CUEDC1: variants seen among roughly 807,000 people sequenced by gnomAD.
CUEDC1 encodes CUE domain containing 1.
In CUEDC1, 30 loss-of-function variants were observed where a neutral mutation model predicts 43.7. That is an observed-to-expected ratio of 0.69 (90% CI 0.51 to 0.93). The LOEUF is 0.93. Ranked by LOEUF, CUEDC1 falls within the 40% of genes least tolerant of loss-of-function variation. The pLI is 0.00. For missense variants in CUEDC1, 486 were observed against 549.0 expected (o/e 0.89, Z 1.15); for synonymous variants, 223 against 223.6 (o/e 1.00, Z 0.02).
intron 1 of CUEDC1, among the ~76,000 whole-genome samples, chr17:57,898,640 C>T (rs1023694393): frequency 1.3e-5 from 2 of 152,162 alleles, no homozygotes; most frequent in African/African-American, 4.8e-5. Context: ...TCTATGAGCA[C>T]GGGCCATTCA....
intron 1 of CUEDC1, among the ~76,000 whole-genome samples, chr17:57,887,246 T>C (rs1172689258): frequency 4.6e-5 from 7 of 152,016 alleles, no homozygotes; most frequent in Non-Finnish European, 7.4e-5. Context: ...TCAAGCACAA[T>C]GAGGGACCTT....
At chr17:57,882,635 A>G (rs73992339) in intron 2 of CUEDC1, among the ~76,000 whole-genome samples, 10,951 of 151,986 alleles carry the variant, frequency 0.072, 539 homozygotes, top group African/African-American at 0.14. Context: ...ATTTTCTTCC[A>G]CCTCCACCAC....
chr17:57,873,769 G>A, intron 3 of CUEDC1, 52 bp from the exon 4 acceptor site: 1 of 1,492,850 alleles, frequency 6.7e-7, no homozygotes, highest in South Asian at 1.3e-5. Flanking sequence ...CCAACCCCAG[G>A]TCTCCTGGCC....
rs762941557 is a variant in CUEDC1 at position 57,885,277 on chromosome 17, G to A, written c.288C>T (p.Gly96=). ...QMNLEGGGSS[G]GVYEDSSDSE... is the part of the protein sequence containing the mutation. The stretch of plus-strand genomic sequence containing the variant: ...AGTCGGAGCTGTCCTCATAGACGCC[G>A]CCGCTGCTGCCACCGCCCTCCAGGT... Residue 96 remains glycine, a synonymous_variant, in exon 2 of 11, where the codon GGC becomes GGT. Transcript: ENST00000577830. The A allele has an allele frequency of 1.2e-6, 2 of 1,605,812 alleles. No homozygotes were observed. Among genetic ancestry groups the A allele is most frequent in the Non-Finnish European group, 1.7e-6 (2 of 1,175,858 alleles).
rs954529451 is a variant in CUEDC1, at chr17:57,944,957, G to C, written c.-316+10268C>G. Among the ~76,000 whole-genome samples the C allele has an allele frequency of 1.1e-4, 16 of 152,170 alleles. 1 individual carries two copies. Among genetic ancestry groups the C allele is most frequent in the African/African-American group, 3.9e-4 (16 of 41,440 alleles). On this transcript the variant is annotated intron_variant, in intron 1 of 10. Transcript: ENST00000577830. ...GGTGTCGCCCCATCAGAGGTGTCAA[G>C]GACCATGCAAGGCCAGGGGTCACAC...
In CUEDC1 at chr17:57,862,716, G is replaced by C. The variant is rs536133579; in HGVS notation, c.*573C>G. ...CCCACCCAGGCTGGGTGCAGGGCTC[G>C]TGTGCTGGGCCAGCAGCCCCGGGGG... On this transcript the variant is annotated 3_prime_UTR_variant, in exon 11 of 11. Transcript: ENST00000577830. The C allele has an allele frequency of 1.3e-5, 2 of 152,568 alleles. No individual in the cohort carries two copies. The highest frequency in any genetic ancestry group is 2.9e-5 in the Non-Finnish European group (2 of 68,350). The allele number at this position is 152,568 out of a possible 1,614,324, so 9.5% of individuals were successfully genotyped here. A position where few individuals can be genotyped will look rare whatever the true frequency, so the allele number is the denominator to read the frequency against.
At chr17:57,948,253 G>A (rs1459091560) in intron 1 of CUEDC1, among the ~76,000 whole-genome samples, 1 of 152,192 alleles carries the variant, frequency 6.6e-6, no homozygotes, top group Non-Finnish European at 1.5e-5. Context: ...CTGTGTGTAT[G>A]GGGGCTGATG....
Position 57,948,592 on chromosome 17 carries a change from C to G in CUEDC1, c.-316+6633G>C, listed in dbSNP as rs569457957. Among the ~76,000 whole-genome samples the G allele has an allele frequency of 1.2e-4, 19 of 152,352 alleles. No homozygotes were observed. In the East Asian group the frequency reaches 2.9e-3, roughly 23 times the overall value. Reference sequence around the variant, plus strand: ...TCCAGCTCCTTTTATCCTCCGATCACCGAGCTGACATGGACCTCTAGGGGC... The same window carrying G: ...TCCAGCTCCTTTTATCCTCCGATCAGCGAGCTGACATGGACCTCTAGGGGC... On this transcript the variant is annotated intron_variant, in intron 1 of 10. Transcript: ENST00000577830.
At chr17:57,899,259 C>G (rs2074445798) in intron 1 of CUEDC1, among the ~76,000 whole-genome samples, 1 of 152,202 alleles carries the variant, frequency 6.6e-6, no homozygotes, top group South Asian at 2.1e-4. Context: ...AGCTGCACCC[C>G]CCCAACCACA....
chr17:57,929,956 C>G (rs1381921953), intron 1 of CUEDC1, among the ~76,000 whole-genome samples: 3 of 152,154 alleles, frequency 2.0e-5, no homozygotes, highest in Non-Finnish European at 4.4e-5. Context: ...CAGGCACCAC[C>G]ACGCCCAGCA....
chr17:57,934,698 A>ACATGC lies in CUEDC1; in HGVS notation c.-316+20522_-316+20526dup, dbSNP rs1313082668. Among the ~76,000 whole-genome samples the ACATGC allele has an allele frequency of 2.0e-5, 3 of 152,038 alleles. No homozygotes were observed. In the South Asian group the frequency reaches 6.2e-4, roughly 32 times the overall value. ...ACATAGAGAATACTTAGAGGGGCAG[A>ACATGC]CATGCCATCCTTCCCGATTGTTTTT... is the stretch of plus-strand genomic sequence containing the variant. On this transcript the variant is annotated intron_variant, in intron 1 of 10. Transcript: ENST00000577830.
In CUEDC1 at chr17:57,947,225, G is replaced by C. The variant is rs137893640; in HGVS notation, c.-316+8000C>G. ...TAATGAATAGGGAATCATGGGATTAGAGGAGGAAGCAAAAGTTCTTGCCGT... is the reference window on the plus strand; with the variant it reads ...TAATGAATAGGGAATCATGGGATTACAGGAGGAAGCAAAAGTTCTTGCCGT... On this transcript the variant is annotated intron_variant, in intron 1 of 10. Transcript: ENST00000577830. Among the ~76,000 whole-genome samples the C allele has an allele frequency of 1.3e-3, 196 of 151,618 alleles. 2 individuals are homozygous for C. The highest frequency in any genetic ancestry group is 4.5e-3 in the African/African-American group (186 of 41,354).
chr17:57,915,116 C>T (rs545008419), intron 1 of CUEDC1: 3 of 152,058 alleles, frequency 2.0e-5, no homozygotes, highest in Admixed American at 6.5e-5. Context: ...TAAGGGTCTT[C>T]GAGTAAAGCA....
intron 1 of CUEDC1, among the ~76,000 whole-genome samples, chr17:57,913,163 TA>T (rs1244775425): frequency 6.6e-6 from 1 of 151,974 alleles, no homozygotes; most frequent in African/African-American, 2.4e-5. Context: ...CCGCCTCTAC[TA>T]AAAATACAAA....
chr17:57,950,091 G>GTGC (rs2074991930), intron 1 of CUEDC1, among the ~76,000 whole-genome samples: 1 of 152,196 alleles, frequency 6.6e-6, no homozygotes, highest in Admixed American at 6.5e-5. Flanking sequence ...CCCTCTGTGA[G>GTGC]TGCTGCAATG....
intron 1 of CUEDC1, among the ~76,000 whole-genome samples, chr17:57,944,305 G>C (rs1405541190): frequency 6.6e-6 from 1 of 150,628 alleles, no homozygotes; most frequent in Non-Finnish European, 1.5e-5. Context: ...CTGCCTCCCA[G>C]GTTCAAGTGA....
At chr17:57,941,871 A>C (rs1244316754) in intron 1 of CUEDC1, among the ~76,000 whole-genome samples, 2 of 152,252 alleles carry the variant, frequency 1.3e-5, no homozygotes, top group African/African-American at 4.8e-5. Flanking sequence ...GGGGCCAGGA[A>C]GGAAAACGAG....
chr17:57,930,009 G>A lies in CUEDC1; in HGVS notation c.-316+25216C>T, dbSNP rs1437140243. On this transcript the variant is annotated intron_variant, in intron 1 of 10. Transcript: ENST00000577830. The surrounding 1 kb of genome is among the most constrained non-coding windows in gnomAD (Gnocchi z 4.2). ...GTAGAGACAGGGTTTCACCATGTTTGTCGGGCTGGTATCGAACTCCTGCCC... is the reference window on the plus strand; with the variant it reads ...GTAGAGACAGGGTTTCACCATGTTTATCGGGCTGGTATCGAACTCCTGCCC... Among the ~76,000 whole-genome samples, 1 of 152,174 alleles carries A rather than the reference G, an allele frequency of 6.6e-6. No individual in the cohort carries two copies. Among genetic ancestry groups the A allele is most frequent in the Non-Finnish European group, 1.5e-5 (1 of 68,034 alleles).
At chr17:57,912,110 C>A (rs2143061625) in intron 1 of CUEDC1, among the ~76,000 whole-genome samples, 1 of 152,304 alleles carries the variant, frequency 6.6e-6, no homozygotes, top group African/African-American at 2.4e-5. Flanking sequence ...TCCCTCCCAA[C>A]CGCAGCCCAA....
Sources: allele counts gnomAD v4.1 joint callset (sites outside exome capture counted in the v4.1 genomes callset), GRCh38; gene constraint gnomAD v4.1.1; non-coding constraint Gnocchi (gnomAD v3.1); transcripts MANE v1.5; gene names NCBI Gene and HGNC (gene_info 2026-07-23, HGNC 2026-07-21).